Variants in TBL1X observed in about 807,000 individuals in gnomAD.
TBL1X encodes F-box-like/WD repeat-containing protein TBL1X.
In TBL1X, 10 loss-of-function variants were observed where a neutral mutation model predicts 50.7. The observed-to-expected ratio is 0.20, with a 90% CI of 0.12 to 0.33. The LOEUF (loss-of-function observed/expected upper bound fraction) is 0.33, where lower values mean the gene tolerates loss of function less well. Among genes scored for constraint, TBL1X ranks in the 10% least tolerant of loss-of-function variants. The probability of loss-of-function intolerance (pLI) is 1.00; values close to 1 mark genes in which losing one functional copy is unlikely to be tolerated. For synonymous variants in TBL1X, 190 were observed against 214.7 expected (o/e 0.88, Z 1.01); for missense variants, 340 against 504.4 (o/e 0.67, Z 3.12).
intron 2 of TBL1X, among the ~76,000 whole-genome samples, chrX:9,542,164 A>G (rs1239578001): frequency 9.0e-6 from 1 of 110,892 alleles, no homozygotes; most frequent in East Asian, 2.8e-4. Context: ...ATGGATGATA[A>G]AAATTGATAA....
At chrX:9,699,503 G>A (rs2083156139) in intron 12 of TBL1X, among the ~76,000 whole-genome samples, 1 of 111,641 alleles carries the variant, frequency 9.0e-6, no homozygotes, top group Non-Finnish European at 1.9e-5. Context: ...CATTGTCCAG[G>A]AGGAGATCTG....
chrX:9,526,786 G>A, intron 2 of TBL1X, among the ~76,000 whole-genome samples: 1 of 112,395 alleles, frequency 8.9e-6, no homozygotes, highest in East Asian at 2.8e-4. Flanking sequence ...GTAAGCATGT[G>A]TCAGCAGCTT....
Position 9,567,115 on chromosome X carries a change from G to A in TBL1X, c.-131+65266G>A, listed in dbSNP as rs147863952. Among the ~76,000 whole-genome samples, 128 of 111,596 alleles carry A rather than the reference G, an allele frequency of 1.1e-3. No homozygotes were observed. The East Asian group carries it at 0.025, about 22-fold the overall frequency. On this transcript the variant is annotated intron_variant, in intron 2 of 17. Transcript: ENST00000645353. ...GTCATGGGAGTTTGTCAGGATTTTC[G>A]CACTGTTAGAAGTTCTCAGCATCCT...
intron 2 of TBL1X, chrX:9,560,420 TAG>T (rs1300752495): frequency 8.9e-6 from 1 of 112,084 alleles, no homozygotes; most frequent in East Asian, 2.8e-4. Context: ...GCATCCCAGA[TAG>T]AGTGACAGGA....
intron 2 of TBL1X, among the ~76,000 whole-genome samples, chrX:9,551,307 C>T (rs1373173961): frequency 1.8e-5 from 2 of 108,638 alleles, no homozygotes; most frequent in African/African-American, 6.8e-5. Flanking sequence ...GGAATGGTGC[C>T]GCCTGGTCAA....
intron 2 of TBL1X, among the ~76,000 whole-genome samples, chrX:9,571,370 G>T (rs764296357): frequency 1.8e-5 from 2 of 111,866 alleles, no homozygotes; most frequent in South Asian, 7.6e-4. Context: ...TGCATAATTT[G>T]AGCTTTTTCA....
intron 3 of TBL1X, among the ~76,000 whole-genome samples, chrX:9,652,716 T>C (rs1055331022): frequency 1.8e-5 from 2 of 110,907 alleles, no homozygotes; most frequent in African/African-American, 6.6e-5. Flanking sequence ...CTGGGCGTGC[T>C]GATGCCCACC....
Position 9,716,733 on chromosome X carries a change from G to A in TBL1X, c.*487G>A. The A allele has an allele frequency of 8.8e-6, 1 of 113,844 alleles. No individual in the cohort carries two copies. The allele number at this position is 113,844 out of a possible 1,213,427, so 9.4% of individuals were successfully genotyped here. On this transcript the variant is annotated 3_prime_UTR_variant, in exon 18 of 18. Transcript: ENST00000645353. ...ACAAAGGAGGTTCAAAGACCAGTTTGTACCGATGAAACGCGCAACTTTGTA... is the reference window on the plus strand; with the variant it reads ...ACAAAGGAGGTTCAAAGACCAGTTTATACCGATGAAACGCGCAACTTTGTA...
At chrX:9,565,066 C>G (rs751983879) in intron 2 of TBL1X, among the ~76,000 whole-genome samples, 3 of 108,845 alleles carry the variant, frequency 2.8e-5, no homozygotes, top group African/African-American at 1.0e-4. Context: ...GTCAGGAGAT[C>G]GAGACCATCC....
chrX:9,589,198 A>C (rs963149674), intron 2 of TBL1X, among the ~76,000 whole-genome samples: 15 of 111,809 alleles, frequency 1.3e-4, no homozygotes, highest in Non-Finnish European at 2.3e-4. Context: ...TCATTATACT[A>C]TATTAGTTTT....
At chrX:9,698,976 G>C (rs2083151866) in intron 12 of TBL1X, among the ~76,000 whole-genome samples, 1 of 111,097 alleles carries the variant, frequency 9.0e-6, no homozygotes, top group South Asian at 3.9e-4. Context: ...GGGTCGTTTT[G>C]GGTTTTTTTG....
chrX:9,617,103 A>G (rs1237619776), intron 2 of TBL1X, among the ~76,000 whole-genome samples: 8 of 111,826 alleles, frequency 7.2e-5, no homozygotes, highest in Middle Eastern at 4.2e-3. Context: ...AACAGCTCCA[A>G]GGCACCGTGT....
rs1288873679 is a variant in TBL1X, at chrX:9,465,104, T to TCCCGCTGTCCCG, written c.-540_-529dup. The TCCCGCTGTCCCG allele has an allele frequency of 9.1e-6, 1 of 110,102 alleles. No individual in the cohort carries two copies. The highest frequency in any genetic ancestry group is 9.6e-5 in the Admixed American group (1 of 10,459). 9.1% of individuals were successfully genotyped at this position (110,102 alleles called of 1,213,427 possible). On this transcript the variant is annotated 5_prime_UTR_variant, in exon 1 of 18. Transcript: ENST00000645353. ...GGAGGTCACTGTCCGTGCCAGTCCC[T>TCCCGCTGTCCCG]CCCGCTGTCCCGCCCTCTCCCGCTG...
chrX:9,549,612 A>G (rs977822192), intron 2 of TBL1X, among the ~76,000 whole-genome samples: 6 of 111,896 alleles, frequency 5.4e-5, no homozygotes, highest in East Asian at 2.8e-4. Context: ...AAAAAGATGC[A>G]GAAGACCGTG....
At chrX:9,681,725 G>A (rs1203468559) in intron 5 of TBL1X, among the ~76,000 whole-genome samples, 4 of 112,768 alleles carry the variant, frequency 3.5e-5, no homozygotes, top group Non-Finnish European at 3.7e-5. Flanking sequence ...CTGCATTCTG[G>A]TGCATTCAGT....
chrX:9,686,298 C>T (rs1001986871), intron 6 of TBL1X, among the ~76,000 whole-genome samples: 24 of 112,154 alleles, frequency 2.1e-4, no homozygotes, highest in African/African-American at 7.8e-4. Context: ...TTCTACCTCT[C>T]ATCTGTTGAG....
chrX:9,626,280 A>G (rs2082692435), intron 2 of TBL1X, among the ~76,000 whole-genome samples: 1 of 112,080 alleles, frequency 8.9e-6, no homozygotes, highest in Non-Finnish European at 1.9e-5. Flanking sequence ...GGACCATCAG[A>G]GTCCCCTAGT....
At chrX:9,612,015 G>C (rs1428909477) in intron 2 of TBL1X, among the ~76,000 whole-genome samples, 1 of 112,807 alleles carries the variant, frequency 8.9e-6, no homozygotes, top group Non-Finnish European at 1.9e-5. Context: ...CCTTTCGATC[G>C]CCTGGGCGTT....
At chrX:9,704,416 CCTT>C (rs2083194275) in intron 12 of TBL1X, among the ~76,000 whole-genome samples, 1 of 111,862 alleles carries the variant, frequency 8.9e-6, no homozygotes, top group Non-Finnish European at 1.9e-5. Flanking sequence ...TCTCACCTGC[CCTT>C]CTTAACTGTG....
Sources: gnomAD v4.1 joint callset for allele counts (sites outside exome capture counted in the v4.1 genomes callset) on GRCh38, gnomAD v4.1.1 for gene constraint, MANE v1.5 for transcripts, NCBI Gene and HGNC (gene_info 2026-07-23, HGNC 2026-07-21) for gene names.